Variants in TECRL observed in about 807,000 individuals in gnomAD.
TECRL encodes trans-2,3-enoyl-CoA reductase-like.
In TECRL, 63 loss-of-function variants were observed where a neutral mutation model predicts 52.8. That is an observed-to-expected ratio of 1.19 (90% CI 0.97 to 1.47). The LOEUF (loss-of-function observed/expected upper bound fraction) is 1.47, where lower values mean the gene tolerates loss of function less well. TECRL is among the 40% of genes most tolerant of loss of function. The pLI is 0.00. For missense variants in TECRL, 482 were observed against 429.6 expected, an observed-to-expected ratio of 1.12 and a Z score of -1.08; for synonymous variants, 164 against 141.9, an observed-to-expected ratio of 1.16 and a Z score of -1.10.
chr4:64,383,381 A>G (rs1164635615), intron 1 of TECRL, among the ~76,000 whole-genome samples: 1 of 152,080 alleles, frequency 6.6e-6, no homozygotes, highest in Admixed American at 6.6e-5. Flanking sequence ...CCCTTCTGGA[A>G]CACTCAAATT....
intron 8 of TECRL, among the ~76,000 whole-genome samples, chr4:64,299,727 A>T (rs1448262867): frequency 6.6e-6 from 1 of 150,990 alleles, no homozygotes; most frequent in Non-Finnish European, 1.5e-5. Flanking sequence ...AAATTTTTCA[A>T]ATATTTATTG....
intron 4 of TECRL, among the ~76,000 whole-genome samples, chr4:64,315,711 T>C (rs1717451211): frequency 6.6e-6 from 1 of 152,110 alleles, no homozygotes; most frequent in South Asian, 2.1e-4. Flanking sequence ...GAGAAGATTG[T>C]TAGAATGAAT....
intron 1 of TECRL, among the ~76,000 whole-genome samples, chr4:64,402,703 C>T (rs73232068): frequency 0.013 from 1,907 of 152,056 alleles, 50 homozygotes; most frequent in African/African-American, 0.044. Flanking sequence ...AATGTTGACA[C>T]ATGTAGTAAT....
intron 1 of TECRL, among the ~76,000 whole-genome samples, chr4:64,400,326 T>A (rs1724267433): frequency 6.6e-6 from 1 of 152,182 alleles, no homozygotes; most frequent in South Asian, 2.1e-4. Context: ...GTATCTTGCA[T>A]GTAACTAACT....
intron 1 of TECRL, among the ~76,000 whole-genome samples, chr4:64,384,159 G>A (rs1482589617): frequency 1.3e-5 from 2 of 152,082 alleles, no homozygotes; most frequent in Admixed American, 6.6e-5. Flanking sequence ...CCCAGGTGGT[G>A]TATGCAGGCA....
chr4:64,372,039 G>A (rs765664630), intron 2 of TECRL, among the ~76,000 whole-genome samples: 1 of 151,624 alleles, frequency 6.6e-6, no homozygotes, highest in Non-Finnish European at 1.5e-5. Flanking sequence ...GTGTCACTGG[G>A]ACTAATAATT....
chr4:64,344,016 C>T (rs906011627), intron 2 of TECRL, among the ~76,000 whole-genome samples: 9 of 151,946 alleles, frequency 5.9e-5, no homozygotes, highest in Admixed American at 5.2e-4. Flanking sequence ...CCCTCCCCCA[C>T]AGTAATCTGT....
At chr4:64,344,764 G>T (rs890293733) in intron 2 of TECRL, among the ~76,000 whole-genome samples, 3 of 152,184 alleles carry the variant, frequency 2.0e-5, no homozygotes, top group African/African-American at 7.2e-5. Context: ...ATGACAATCT[G>T]AAAACGTTTC....
chr4:64,383,650 C>T (rs999609603), intron 1 of TECRL, among the ~76,000 whole-genome samples: 21 of 151,558 alleles, frequency 1.4e-4, no homozygotes, highest in Non-Finnish European at 1.0e-4. Context: ...AAATGTTTTT[C>T]TGATTTATTT....
At chr4:64,403,099 C>T (rs1276505069) in intron 1 of TECRL, among the ~76,000 whole-genome samples, 1 of 151,954 alleles carries the variant, frequency 6.6e-6, no homozygotes, top group Non-Finnish European at 1.5e-5. Flanking sequence ...GGTACATTCT[C>T]CTTGTTTTCC....
intron 8 of TECRL, among the ~76,000 whole-genome samples, chr4:64,290,791 A>G (rs1723337298): frequency 6.6e-6 from 1 of 152,116 alleles, no homozygotes; most frequent in Admixed American, 6.6e-5. Flanking sequence ...GTTAGGTAAA[A>G]ATGCTATTTA....
chr4:64,391,677 A>G (rs1206519542), intron 1 of TECRL, among the ~76,000 whole-genome samples: 1 of 151,880 alleles, frequency 6.6e-6, no homozygotes, highest in African/African-American at 2.4e-5. Flanking sequence ...TATAGTAGGT[A>G]CATTCATTGA....
chr4:64,324,785 T>C (rs1468926471), intron 3 of TECRL, among the ~76,000 whole-genome samples: 1 of 152,094 alleles, frequency 6.6e-6, no homozygotes, highest in Admixed American at 6.6e-5. Context: ...TATATACATA[T>C]ATAATTACAT....
intron 8 of TECRL, among the ~76,000 whole-genome samples, chr4:64,296,283 C>A (rs1300851655): frequency 6.6e-6 from 1 of 151,792 alleles, no homozygotes; most frequent in African/African-American, 2.4e-5. Flanking sequence ...GTTCCCAGCG[C>A]CCTCTTCACT....
At chr4:64,388,940 T>G (rs1483282) in intron 1 of TECRL, among the ~76,000 whole-genome samples, 135,353 of 151,766 alleles carry the variant, frequency 0.89, 61,141 homozygotes, top group East Asian at 1. Context: ...ATATTAACCT[T>G]GTATCCTGAA....
intron 1 of TECRL, among the ~76,000 whole-genome samples, chr4:64,398,982 C>T (rs1474128767): frequency 6.6e-6 from 1 of 152,158 alleles, no homozygotes; most frequent in Non-Finnish European, 1.5e-5. Flanking sequence ...CCCTAGGGAT[C>T]CGTGGAACTT....
intron 2 of TECRL, among the ~76,000 whole-genome samples, chr4:64,334,430 G>A (rs1718899704): frequency 6.6e-6 from 1 of 152,156 alleles, no homozygotes; most frequent in Non-Finnish European, 1.5e-5. Context: ...ATGCCAGTGA[G>A]ACATTTAATG....
chr4:64,332,666 T>G (rs1236556182), intron 2 of TECRL, among the ~76,000 whole-genome samples: 1 of 152,142 alleles, frequency 6.6e-6, no homozygotes, highest in African/African-American at 2.4e-5. Flanking sequence ...TTTGGAAATC[T>G]AGAAACTACG....
At chr4:64,331,389 G>C (rs912153527) in intron 2 of TECRL, among the ~76,000 whole-genome samples, 1 of 152,000 alleles carries the variant, frequency 6.6e-6, no homozygotes, top group Admixed American at 6.6e-5. Context: ...TCTGGCCCTA[G>C]AAAAAATAAC....
Sources: allele counts gnomAD v4.1 joint callset (sites outside exome capture counted in the v4.1 genomes callset), GRCh38; gene constraint gnomAD v4.1.1; transcripts MANE v1.5; gene names NCBI Gene and HGNC (gene_info 2026-07-23, HGNC 2026-07-21).